The following ARHGAP42 variants were observed in gnomAD, a reference collection of about 807,000 sequenced individuals.
ARHGAP42 encodes rho GTPase-activating protein 42.
ARHGAP42 carries 63 observed loss-of-function variants against 125.0 expected under a neutral mutation model. That is an observed-to-expected ratio of 0.50 (90% confidence interval 0.41 to 0.62). The LOEUF is 0.62. Among genes scored for constraint, ARHGAP42 ranks in the 20% least tolerant of loss-of-function variants. ARHGAP42 has a pLI of 0.00. For missense variants in ARHGAP42, 766 were observed against 1,024.2 expected (o/e 0.75, Z 3.44); for synonymous variants, 339 against 351.0 (o/e 0.97, Z 0.38).
intron 1 of ARHGAP42, among the ~76,000 whole-genome samples, chr11:100,698,345 C>T (rs1390998138): frequency 6.6e-6 from 1 of 152,166 alleles, no homozygotes; most frequent in African/African-American, 2.4e-5. Context: ...GTGGTGTGCA[C>T]CTGTAGTCCC....
chr11:100,865,446 C>T (rs997954532), intron 4 of ARHGAP42, among the ~76,000 whole-genome samples: 1 of 152,146 alleles, frequency 6.6e-6, no homozygotes, highest in Admixed American at 6.5e-5. Context: ...AAACAAGCAG[C>T]TTTCCAGTAT....
intron 3 of ARHGAP42, among the ~76,000 whole-genome samples, chr11:100,856,656 C>T (rs1437293605): frequency 6.6e-6 from 1 of 152,088 alleles, no homozygotes. Flanking sequence ...TCTACTACTG[C>T]TAGGCCTCTG....
intron 3 of ARHGAP42, among the ~76,000 whole-genome samples, chr11:100,803,822 GAAGCTTC>G (rs1468679685): frequency 5.9e-5 from 9 of 152,128 alleles, no homozygotes; most frequent in African/African-American, 2.2e-4. Flanking sequence ...ACCAGTGGGG[GAAGCTTC>G]AACTTCAAAA....
At chr11:100,897,349 T>G (rs1206820538) in intron 4 of ARHGAP42, among the ~76,000 whole-genome samples, 8 of 152,218 alleles carry the variant, frequency 5.3e-5, no homozygotes, top group Non-Finnish European at 7.3e-5. Flanking sequence ...ATATGAACTT[T>G]AAAGTAGTTT....
intron 12 of ARHGAP42, among the ~76,000 whole-genome samples, chr11:100,950,524 C>A (rs1274022894): frequency 6.6e-6 from 1 of 151,538 alleles, no homozygotes; most frequent in African/African-American, 2.4e-5. Flanking sequence ...CTTGTCATTA[C>A]ACATGGTATA....
chr11:100,956,025 G>A (rs1485742375), intron 12 of ARHGAP42, among the ~76,000 whole-genome samples: 4 of 152,038 alleles, frequency 2.6e-5, no homozygotes, highest in African/African-American at 9.7e-5. Flanking sequence ...TAGCCATCTT[G>A]TCCTCTTCTC....
intron 3 of ARHGAP42, among the ~76,000 whole-genome samples, chr11:100,802,911 A>G (rs1863894271): frequency 6.6e-6 from 1 of 152,088 alleles, no homozygotes; most frequent in Admixed American, 6.6e-5. Flanking sequence ...TTCATCCCAC[A>G]TATCTCCCCT....
chr11:100,981,794 G>A (rs1858551447), intron 22 of ARHGAP42, among the ~76,000 whole-genome samples: 1 of 152,174 alleles, frequency 6.6e-6, no homozygotes, highest in South Asian at 2.1e-4. Flanking sequence ...AATAGGATCA[G>A]GATTGGGCAG....
intron 22 of ARHGAP42, among the ~76,000 whole-genome samples, chr11:100,985,453 A>G (rs1239362272): frequency 6.6e-6 from 1 of 152,188 alleles, no homozygotes; most frequent in East Asian, 1.9e-4. Context: ...TAGAAGATTT[A>G]TAGGGAAAAA....
chr11:100,745,893 T>A (rs892778648), intron 1 of ARHGAP42, among the ~76,000 whole-genome samples: 10 of 152,232 alleles, frequency 6.6e-5, no homozygotes, highest in Admixed American at 4.6e-4. Context: ...TTGACTCAAA[T>A]CCTTCAGCTA....
At chr11:100,869,725 G>A (rs1865657496) in intron 4 of ARHGAP42, among the ~76,000 whole-genome samples, 1 of 152,098 alleles carries the variant, frequency 6.6e-6, no homozygotes, top group African/African-American at 2.4e-5. Flanking sequence ...TTAAATGTAT[G>A]CATACCTCCA....
intron 9 of ARHGAP42, among the ~76,000 whole-genome samples, chr11:100,942,953 T>C (rs921091539): frequency 6.6e-6 from 1 of 152,090 alleles, no homozygotes; most frequent in Admixed American, 6.6e-5. Flanking sequence ...TATTAATCAA[T>C]TGATGACATT....
chr11:100,964,278 T>C (rs1858033605), intron 16 of ARHGAP42, among the ~76,000 whole-genome samples: 1 of 152,186 alleles, frequency 6.6e-6, no homozygotes, highest in Non-Finnish European at 1.5e-5. Flanking sequence ...ATTTCTCTAC[T>C]CACTCTTTCT....
At chr11:100,855,616 A>T (rs1349668386) in intron 3 of ARHGAP42, among the ~76,000 whole-genome samples, 1 of 152,088 alleles carries the variant, frequency 6.6e-6, no homozygotes, top group Admixed American at 6.6e-5. Flanking sequence ...CAAACCACAT[A>T]AAAGCGTTTC....
At chr11:100,862,632 G>A (rs1203536016) in intron 4 of ARHGAP42, among the ~76,000 whole-genome samples, 1 of 152,098 alleles carries the variant, frequency 6.6e-6, no homozygotes, top group Non-Finnish European at 1.5e-5. Context: ...TTAGTTTTTT[G>A]GTGGTGGTGA....
At chr11:100,758,592 G>A (rs904952723) in intron 1 of ARHGAP42, among the ~76,000 whole-genome samples, 1 of 152,168 alleles carries the variant, frequency 6.6e-6, no homozygotes, top group African/African-American at 2.4e-5. Context: ...AGGCTGATAT[G>A]TAGGTTTAGT....
chr11:100,749,303 G>C (rs772754813), intron 1 of ARHGAP42, among the ~76,000 whole-genome samples: 8 of 151,212 alleles, frequency 5.3e-5, no homozygotes, highest in Non-Finnish European at 5.9e-5. Flanking sequence ...TGCCTTGCCT[G>C]CCCCAGAAGC....
intron 4 of ARHGAP42, among the ~76,000 whole-genome samples, chr11:100,878,380 C>G (rs1419057370): frequency 6.6e-6 from 1 of 152,080 alleles, no homozygotes; most frequent in Non-Finnish European, 1.5e-5. Flanking sequence ...TTTGGCTGGT[C>G]CTCTCTGCCG....
At position 100,992,678 on chromosome 11, in the gene ARHGAP42, A is replaced by C; in HGVS notation, c.*3877A>C. The C allele has an allele frequency of 3.8e-6, 6 of 1,595,352 alleles. No individual in the cohort carries two copies. The highest frequency in any genetic ancestry group is 5.1e-6 in the Non-Finnish European group (6 of 1,171,674). ...AGTTCCACTTGGTAATAACGTTGGGAAAATGCAGGTTTATGAATGATGTGG... is the reference window on the plus strand; with the variant it reads ...AGTTCCACTTGGTAATAACGTTGGGCAAATGCAGGTTTATGAATGATGTGG... On this transcript the variant is annotated 3_prime_UTR_variant, in exon 24 of 24. Coordinates refer to ENST00000298815, the MANE Select transcript of ARHGAP42 (RefSeq NM_152432.4).
Sources: gnomAD v4.1 joint callset for allele counts (sites outside exome capture counted in the v4.1 genomes callset) on GRCh38, gnomAD v4.1.1 for gene constraint, MANE v1.5 for transcripts, NCBI Gene and HGNC (gene_info 2026-07-23, HGNC 2026-07-21) for gene names.